LRP1B: variants seen among roughly 807,000 people sequenced by gnomAD.
LRP1B encodes low-density lipoprotein receptor-related protein 1B.
A neutral mutation model predicts 556.6 loss-of-function variants in LRP1B; 217 were observed. That is an observed-to-expected ratio of 0.39 (90% CI 0.35 to 0.44). The LOEUF is 0.44. Ranked by LOEUF, LRP1B falls within the 20% of genes least tolerant of loss-of-function variation. The pLI, the probability that LRP1B is intolerant of heterozygous loss-of-function variation, is 1.00. For synonymous variants in LRP1B, 2,047 were observed against 1,865.8 expected (o/e 1.10, Z -2.50); for missense variants, 5,053 against 5,620.8 (o/e 0.90, Z 3.23).
chr2:140,577,673 C>A (rs1438743528), intron 43 of LRP1B, among the ~76,000 whole-genome samples: 1 of 152,032 alleles, frequency 6.6e-6, no homozygotes, highest in Non-Finnish European at 1.5e-5. Context: ...TTCCCCACCC[C>A]CCAGCCTCCC....
chr2:140,825,267 G>T (rs780962925), intron 31 of LRP1B, among the ~76,000 whole-genome samples: 4 of 152,138 alleles, frequency 2.6e-5, no homozygotes, highest in Non-Finnish European at 5.9e-5. Context: ...TTAGTGAAAA[G>T]AGCCTAAAAA....
chr2:141,820,955 GAGATTATCCT>G (rs1287737243), intron 1 of LRP1B, among the ~76,000 whole-genome samples: 2 of 152,190 alleles, frequency 1.3e-5, no homozygotes, highest in African/African-American at 4.8e-5. Flanking sequence ...CCTGAGGTGG[GAGATTATCCT>G]AGATTATCCT....
chr2:141,237,988 T>C, intron 5 of LRP1B, among the ~76,000 whole-genome samples: 1 of 152,110 alleles, frequency 6.6e-6, no homozygotes, highest in East Asian at 1.9e-4. Context: ...TGTAAAATAA[T>C]AAGGTATTTC....
chr2:140,268,482 A>T (rs12999447), intron 86 of LRP1B, among the ~76,000 whole-genome samples: 54,292 of 151,884 alleles, frequency 0.36, 11,222 homozygotes, highest in Non-Finnish European at 0.48. Flanking sequence ...TTTTAATACA[A>T]CTGTGCTTTA....
chr2:140,540,604 T>C (rs1194697928), intron 45 of LRP1B, among the ~76,000 whole-genome samples: 1 of 152,146 alleles, frequency 6.6e-6, no homozygotes, highest in Non-Finnish European at 1.5e-5. Context: ...AGGCTACTGA[T>C]ATACTGCCTG....
chr2:140,781,652 G>A (rs1002096635), intron 32 of LRP1B, among the ~76,000 whole-genome samples: 2 of 152,182 alleles, frequency 1.3e-5, no homozygotes, highest in Admixed American at 6.5e-5. Context: ...AGTGAAGACT[G>A]CTATTAGTGC....
At chr2:140,792,459 A>G (rs17515498) in intron 32 of LRP1B, among the ~76,000 whole-genome samples, 71,631 of 151,890 alleles carry the variant, frequency 0.47, 17,810 homozygotes, top group East Asian at 0.58. Context: ...TGAGATAACC[A>G]GAATAAGACA....
At chr2:140,467,315 A>G (rs1687585272) in intron 60 of LRP1B, among the ~76,000 whole-genome samples, 1 of 152,060 alleles carries the variant, frequency 6.6e-6, no homozygotes, top group African/African-American at 2.4e-5. Flanking sequence ...CTCATATAAC[A>G]GTATTAGGCC....
chr2:140,812,168 G>A (rs907969185), intron 32 of LRP1B, among the ~76,000 whole-genome samples: 4 of 152,080 alleles, frequency 2.6e-5, no homozygotes, highest in African/African-American at 4.8e-5. Flanking sequence ...CTAGGGAAAC[G>A]TAGAGAGTGC....
At chr2:141,693,011 C>T (rs1691603048) in intron 2 of LRP1B, among the ~76,000 whole-genome samples, 1 of 151,924 alleles carries the variant, frequency 6.6e-6, no homozygotes. Flanking sequence ...TCAAGAATTT[C>T]AAGAGGGTGC....
At chr2:140,908,456 G>A (rs2105233562) in intron 21 of LRP1B, among the ~76,000 whole-genome samples, 1 of 150,326 alleles carries the variant, frequency 6.7e-6, no homozygotes, top group East Asian at 2.0e-4. Context: ...AAACTTTAAA[G>A]ATACATTTGT....
intron 60 of LRP1B, among the ~76,000 whole-genome samples, chr2:140,467,603 A>T (rs1396830082): frequency 7.5e-6 from 1 of 133,972 alleles, no homozygotes; most frequent in African/African-American, 2.8e-5. Context: ...ACAGAGGGAA[A>T]CTCCATCTCA....
chr2:141,600,242 T>G (rs1472526041), intron 2 of LRP1B, among the ~76,000 whole-genome samples: 1 of 152,116 alleles, frequency 6.6e-6, no homozygotes, highest in Non-Finnish European at 1.5e-5. Flanking sequence ...CTGGAGAGCT[T>G]TTTTTAAAAA....
chr2:141,267,747 C>T (rs1025465466), intron 3 of LRP1B, among the ~76,000 whole-genome samples: 2 of 151,924 alleles, frequency 1.3e-5, no homozygotes, highest in Admixed American at 1.3e-4. Context: ...TTTCTCTGTG[C>T]CTTGAGGTAG....
chr2:141,185,208 C>G (rs1015286713), intron 7 of LRP1B, among the ~76,000 whole-genome samples: 1 of 151,972 alleles, frequency 6.6e-6, no homozygotes, highest in Non-Finnish European at 1.5e-5. Flanking sequence ...ATTTTTATGA[C>G]AATAAAACAA....
rs534287639 is a variant in LRP1B, at chr2:141,365,378, G to T, written c.344-110737C>A. Among the ~76,000 whole-genome samples the T allele has an allele frequency of 3.9e-5, 6 of 151,920 alleles. No homozygotes were observed. In the South Asian group the frequency reaches 1.2e-3, roughly 32 times the overall value. On this transcript the variant is annotated intron_variant, in intron 3 of 90. Transcript: ENST00000389484. ...TCATGCATCTTAAGAAAGAAAGCAT[G>T]CTTGCATTTATTTTTATTGCTGAAT...
At chr2:141,642,578 G>T (rs1447446122) in intron 2 of LRP1B, among the ~76,000 whole-genome samples, 1 of 152,044 alleles carries the variant, frequency 6.6e-6, no homozygotes, top group East Asian at 1.9e-4. Context: ...CTTGGAAATG[G>T]ATATTTTCTT....
At chr2:140,464,267 T>G (rs1687450043) in intron 60 of LRP1B, among the ~76,000 whole-genome samples, 1 of 151,966 alleles carries the variant, frequency 6.6e-6, no homozygotes. Context: ...CTTTTTCAGA[T>G]TTAAGCCATT....
At chr2:141,328,390 A>G (rs1050320586) in intron 3 of LRP1B, among the ~76,000 whole-genome samples, 2 of 152,230 alleles carry the variant, frequency 1.3e-5, no homozygotes, top group African/African-American at 2.4e-5. Context: ...AACCATGCTT[A>G]TCATCTGGTA....
Sources: allele counts gnomAD v4.1 joint callset (sites outside exome capture counted in the v4.1 genomes callset), GRCh38; gene constraint gnomAD v4.1.1; transcripts MANE v1.5; gene names NCBI Gene and HGNC (gene_info 2026-07-23, HGNC 2026-07-21).